The following PRSS23 variants were observed in gnomAD, a reference collection of about 807,000 sequenced individuals.
PRSS23 encodes the protein protease, serine 23.
Under a neutral mutation model 34.7 loss-of-function variants are expected in PRSS23, and 25 were observed. That is an observed-to-expected ratio of 0.72 (90% confidence interval 0.53 to 1.01). The LOEUF (loss-of-function observed/expected upper bound fraction) is 1.01, where lower values mean the gene tolerates loss of function less well. PRSS23 is among the 50% of genes least tolerant of loss of function. PRSS23 has a pLI of 0.00. For synonymous variants in PRSS23, 176 were observed against 186.6 expected (o/e 0.94, Z 0.46); for missense variants, 445 against 475.6 (o/e 0.94, Z 0.60).
chr11:86,879,309 G>A (rs1458826864), intron 2 of PRSS23, among the ~76,000 whole-genome samples: 2 of 149,474 alleles, frequency 1.3e-5, no homozygotes, highest in Non-Finnish European at 3.0e-5. Flanking sequence ...TCTCTGCCCA[G>A]CCGCCCCGTC....
chr11:86,843,012 T>A (rs552569396), intron 2 of PRSS23, among the ~76,000 whole-genome samples: 1 of 152,294 alleles, frequency 6.6e-6, no homozygotes, highest in Admixed American at 6.5e-5. Flanking sequence ...GCTACCTAAC[T>A]TCAAACTATA....
At chr11:86,940,054 A>G (rs903570533) in intron 2 of PRSS23, among the ~76,000 whole-genome samples, 3 of 152,186 alleles carry the variant, frequency 2.0e-5, no homozygotes, top group African/African-American at 7.2e-5. Flanking sequence ...ACTCTAAGAA[A>G]TAAGTCGTGT....
At chr11:86,849,457 C>G (rs1202510714) in intron 2 of PRSS23, among the ~76,000 whole-genome samples, 1 of 152,128 alleles carries the variant, frequency 6.6e-6, no homozygotes, top group Non-Finnish European at 1.5e-5. Context: ...AAGTCTGGGC[C>G]TTGGAAGGAC....
rs117631412 is a variant in PRSS23 at position 86,942,651 on chromosome 11, G to T, written c.207-8565G>T. ...TTCTATTCTCTTTCCCTGGGAATTT[G>T]AGAAGTTGGAATCCTTTGCCATGAG... On this transcript the variant is annotated intron_variant, in intron 2 of 2. Coordinates refer to the PRSS23 transcript ENST00000533902. 5.8e-3 allele frequency among the ~76,000 whole-genome samples: 884 copies of T among 152,300 alleles called. 9 individuals are homozygous for T. Among genetic ancestry groups the T allele is most frequent in the South Asian group, 0.039 (190 of 4,826 alleles).
rs745647372 is a variant in PRSS23, at chr11:86,807,640, C to G, written c.-4C>G. 1.2e-6 allele frequency: 2 copies of G among 1,604,784 alleles called. No homozygotes were observed. The highest frequency in any genetic ancestry group is 1.1e-5 in the South Asian group (1 of 89,612). On this transcript the variant is annotated 5_prime_UTR_variant, in exon 2 of 2. Coordinates refer to ENST00000280258, the MANE Select transcript of PRSS23 (RefSeq NM_007173.6). ...GTCTTTGTTTCTACAGAACAGTGCT[C>G]GGCATGGCAGGGATTCCAGGGCTCC...
At chr11:86,797,775 A>G (rs899100949), upstream of PRSS23, among the ~76,000 whole-genome samples, 6 of 152,232 alleles carry the variant, frequency 3.9e-5, no homozygotes, top group African/African-American at 1.4e-4. Flanking sequence ...GGCTTGTTCC[A>G]TGTAAGAAAC....
chr11:86,815,362 G>T (rs1948207780), downstream of PRSS23, among the ~76,000 whole-genome samples: 1 of 152,202 alleles, frequency 6.6e-6, no homozygotes, highest in Non-Finnish European at 1.5e-5. Flanking sequence ...ATTTCATGAG[G>T]ACAGAGGTTT....
intron 1 of PRSS23, among the ~76,000 whole-genome samples, chr11:86,794,036 A>G (rs865940507): frequency 2.0e-5 from 3 of 152,172 alleles, no homozygotes; most frequent in African/African-American, 7.2e-5. Context: ...TCCACAAAGT[A>G]AAGGAGAAAC....
intron 2 of PRSS23, among the ~76,000 whole-genome samples, chr11:86,830,264 C>T (rs185691029): frequency 1.5e-3 from 228 of 151,986 alleles, no homozygotes; most frequent in Non-Finnish European, 2.5e-3. Flanking sequence ...TAGCAATCAG[C>T]GAGACTCCAT....
Position 86,939,424 on chromosome 11 carries a change from A to T in PRSS23, c.207-11792A>T, listed in dbSNP as rs866634388. Among the ~76,000 whole-genome samples, 358 of 83,904 alleles carry T rather than the reference A, an allele frequency of 4.3e-3. 5 individuals carry two copies. Among genetic ancestry groups the T allele is most frequent in the South Asian group, 0.012 (30 of 2,566 alleles). 55.0% of individuals were successfully genotyped at this position (83,904 alleles called of 152,430 possible). ...AAAAAATATATATATATATATATAT[A>T]TATTTTTTAACATGAGTAAAAATTG... is the stretch of plus-strand genomic sequence containing the variant. On this transcript the variant is annotated intron_variant, in intron 2 of 2. Coordinates refer to the PRSS23 transcript ENST00000533902.
chr11:86,863,185 T>C (rs1225186189), intron 2 of PRSS23, among the ~76,000 whole-genome samples: 5 of 152,144 alleles, frequency 3.3e-5, no homozygotes, highest in Non-Finnish European at 5.9e-5. Flanking sequence ...GTGATATAAT[T>C]CCTAATATCC....
intron 2 of PRSS23, among the ~76,000 whole-genome samples, chr11:86,878,368 T>A (rs564426093): frequency 1.8e-4 from 27 of 151,372 alleles, no homozygotes; most frequent in African/African-American, 6.1e-4. Flanking sequence ...CCCTGCCTGA[T>A]TCTCCTGCCT....
rs182675478 is a variant in PRSS23, at chr11:86,915,340, G to C, written c.207-35876G>C. 1.1e-3 allele frequency among the ~76,000 whole-genome samples: 168 copies of C among 152,194 alleles called. 1 individual carries two copies. Among genetic ancestry groups the C allele is most frequent in the African/African-American group, 3.9e-3 (160 of 41,548 alleles). On this transcript the variant is annotated intron_variant, in intron 2 of 2. Transcript: ENST00000533902. ...AGGTAGTGTTGGCTCAGGAGTTAAA[G>C]AGACTTAGGTGTAAAGCCTGGCTTT...
chr11:86,832,782 T>A (rs1300860306), intron 2 of PRSS23: 1 of 294,498 alleles, frequency 3.4e-6, no homozygotes, highest in Non-Finnish European at 6.6e-6. Flanking sequence ...ACACTCAGCA[T>A]GGAGGAAACA....
At chr11:86,791,579 C>T (rs908083256) in intron 1 of PRSS23, among the ~76,000 whole-genome samples, 1 of 152,204 alleles carries the variant, frequency 6.6e-6, no homozygotes, top group South Asian at 2.1e-4. Context: ...TGTTTTTCAG[C>T]AGCTCTCACC....
intron 2 of PRSS23, chr11:86,951,118 A>G (rs1379565939): frequency 1.9e-6 from 3 of 1,612,628 alleles, no homozygotes; most frequent in East Asian, 4.5e-5. Flanking sequence ...TTCAAAATGA[A>G]GAAAGCATGG....
intron 2 of PRSS23, among the ~76,000 whole-genome samples, chr11:86,853,348 A>C (rs1323376239): frequency 7.7e-6 from 1 of 130,328 alleles, no homozygotes; most frequent in Non-Finnish European, 1.6e-5. Flanking sequence ...TCCGCCTCCC[A>C]GGTTCAAGCG....
chr11:86,926,121 G>C (rs1029562141), intron 2 of PRSS23, among the ~76,000 whole-genome samples: 3 of 152,156 alleles, frequency 2.0e-5, no homozygotes, highest in Non-Finnish European at 4.4e-5. Context: ...CCAGCACTTT[G>C]GGAGGCCGAG....
intron 2 of PRSS23, among the ~76,000 whole-genome samples, chr11:86,854,295 T>C (rs1948553248): frequency 6.6e-6 from 1 of 152,224 alleles, no homozygotes; most frequent in African/African-American, 2.4e-5. Context: ...CCCCCGCACC[T>C]GGCCGCTATA....
Sources: gnomAD v4.1 joint callset for allele counts (sites outside exome capture counted in the v4.1 genomes callset) on GRCh38, gnomAD v4.1.1 for gene constraint, MANE v1.5 for transcripts, NCBI Gene and HGNC (gene_info 2026-07-23, HGNC 2026-07-21) for gene names.